EXOC6B: variants seen among roughly 807,000 people sequenced by gnomAD.
EXOC6B encodes SEC15 homolog B.
In EXOC6B, 54 loss-of-function variants were observed where a neutral mutation model predicts 113.5. The ratio of observed to expected loss-of-function variants is 0.48; its 90% CI spans 0.38 to 0.60. EXOC6B has a LOEUF of 0.60. EXOC6B is among the 20% of genes least tolerant of loss of function. The pLI is 0.00. For synonymous variants in EXOC6B, 357 were observed against 339.0 expected, an observed-to-expected ratio of 1.05 and a Z score of -0.58; for missense variants, 797 against 977.5, an observed-to-expected ratio of 0.82 and a Z score of 2.46.
At chr2:72,314,656 T>C (rs1438060932) in intron 20 of EXOC6B, among the ~76,000 whole-genome samples, 1 of 152,192 alleles carries the variant, frequency 6.6e-6, no homozygotes, top group Non-Finnish European at 1.5e-5. Flanking sequence ...CTCTACTTCA[T>C]AGAAAGGTAT....
chr2:72,754,840 A>G (rs1682306015), intron 1 of EXOC6B, among the ~76,000 whole-genome samples: 1 of 151,982 alleles, frequency 6.6e-6, no homozygotes, highest in South Asian at 2.1e-4. Context: ...GCTGGTCTCA[A>G]ACTTCTGGGC....
At chr2:72,823,952 G>A (rs1686749024) in intron 1 of EXOC6B, among the ~76,000 whole-genome samples, 2 of 152,016 alleles carry the variant, frequency 1.3e-5, no homozygotes. Context: ...ATGTGTGTAG[G>A]ACCATTGACC....
intron 16 of EXOC6B, among the ~76,000 whole-genome samples, chr2:72,483,741 T>C (rs2105501974): frequency 6.6e-6 from 1 of 152,346 alleles, no homozygotes; most frequent in Admixed American, 6.5e-5. Context: ...GGGCATTTAC[T>C]AATGTAAAAC....
At chr2:72,282,039 GA>G (rs1352583817) in intron 20 of EXOC6B, among the ~76,000 whole-genome samples, 1 of 152,036 alleles carries the variant, frequency 6.6e-6, no homozygotes, top group Non-Finnish European at 1.5e-5. Context: ...AATACCCAAG[GA>G]AAATGTTCTT....
chr2:72,195,463 C>A (rs1679109963), intron 20 of EXOC6B, among the ~76,000 whole-genome samples: 2 of 152,198 alleles, frequency 1.3e-5, no homozygotes, highest in Non-Finnish European at 2.9e-5. Context: ...TTCAATGGAA[C>A]TGCTGCCACA....
At chr2:72,431,485 T>TTCTCTATCTATCTATC (rs766066651) in intron 18 of EXOC6B, among the ~76,000 whole-genome samples, 3 of 133,892 alleles carry the variant, frequency 2.2e-5, no homozygotes, top group African/African-American at 8.7e-5. Context: ...CTTGATTTCT[T>TTCTCTATCTATCTATC]TATCTATCTA....
At chr2:72,802,112 C>T (rs912815526) in intron 1 of EXOC6B, among the ~76,000 whole-genome samples, 1 of 152,176 alleles carries the variant, frequency 6.6e-6, no homozygotes, top group East Asian at 1.9e-4. Flanking sequence ...ATCACAAGGT[C>T]GGGAGTTCAA....
At chr2:72,492,981 C>T (rs886448455) in intron 15 of EXOC6B, among the ~76,000 whole-genome samples, 2 of 151,986 alleles carry the variant, frequency 1.3e-5, no homozygotes, top group African/African-American at 4.8e-5. Flanking sequence ...TAAAGTATTT[C>T]CTCTTCCCAG....
chr2:72,232,518 G>A (rs1233539003), intron 20 of EXOC6B, among the ~76,000 whole-genome samples: 3 of 152,070 alleles, frequency 2.0e-5, no homozygotes, highest in Non-Finnish European at 4.4e-5. Flanking sequence ...AATACCAGAT[G>A]TTCATTGTAG....
chr2:72,729,590 C>CA (rs1680513686), intron 5 of EXOC6B, among the ~76,000 whole-genome samples: 1 of 151,508 alleles, frequency 6.6e-6, no homozygotes, highest in South Asian at 2.1e-4. Flanking sequence ...TGCCCAGCTC[C>CA]TTTTTTTGTT....
At chr2:72,534,351 A>G (rs975487390) in intron 8 of EXOC6B, among the ~76,000 whole-genome samples, 1 of 152,178 alleles carries the variant, frequency 6.6e-6, no homozygotes, top group Admixed American at 6.5e-5. Flanking sequence ...CCATGCTCAT[A>G]AAGAATATTT....
At chr2:72,443,736 A>G (rs927714956) in intron 18 of EXOC6B, among the ~76,000 whole-genome samples, 5 of 152,170 alleles carry the variant, frequency 3.3e-5, no homozygotes, top group Admixed American at 3.3e-4. Flanking sequence ...AAAACATCAT[A>G]TCTCATGAGA....
intron 18 of EXOC6B, among the ~76,000 whole-genome samples, chr2:72,435,841 C>T (rs1001893844): frequency 1.3e-5 from 2 of 151,954 alleles, no homozygotes; most frequent in East Asian, 3.9e-4. Context: ...ATGGTCTTGA[C>T]TCTTTATCCA....
intron 8 of EXOC6B, among the ~76,000 whole-genome samples, chr2:72,522,295 T>C (rs1437526953): frequency 6.6e-6 from 1 of 152,166 alleles, no homozygotes; most frequent in Non-Finnish European, 1.5e-5. Context: ...ATGTACTACC[T>C]GGGGAAGGGC....
chr2:72,569,383 C>A (rs1457838559), intron 7 of EXOC6B, among the ~76,000 whole-genome samples: 1 of 151,606 alleles, frequency 6.6e-6, no homozygotes, highest in Non-Finnish European at 1.5e-5. Flanking sequence ...TTTTATTTTG[C>A]CATTTTTTTG....
chr2:72,763,585 G>A (rs1682873726), intron 1 of EXOC6B, among the ~76,000 whole-genome samples: 1 of 151,642 alleles, frequency 6.6e-6, no homozygotes, highest in African/African-American at 2.4e-5. Flanking sequence ...ACCACACCCG[G>A]GTAATTTTTG....
intron 6 of EXOC6B, among the ~76,000 whole-genome samples, chr2:72,654,625 G>C (rs2104419315): frequency 6.6e-6 from 1 of 152,268 alleles, no homozygotes; most frequent in East Asian, 1.9e-4. Flanking sequence ...TAGATGCTGA[G>C]CACAGAGAAG....
At chr2:72,413,123 G>A (rs576656012) in intron 18 of EXOC6B, among the ~76,000 whole-genome samples, 1 of 151,754 alleles carries the variant, frequency 6.6e-6, no homozygotes, top group East Asian at 2.0e-4. Context: ...CACGCCCGGC[G>A]AAGTTTTTTT....
chr2:72,743,632 T>C (rs1681494772), intron 1 of EXOC6B, among the ~76,000 whole-genome samples: 1 of 152,156 alleles, frequency 6.6e-6, no homozygotes, highest in Non-Finnish European at 1.5e-5. Context: ...GGCAAGAATT[T>C]TGTCTGTCAT....
Sources: gnomAD v4.1 joint callset for allele counts (sites outside exome capture counted in the v4.1 genomes callset) on GRCh38, gnomAD v4.1.1 for gene constraint, MANE v1.5 for transcripts, NCBI Gene and HGNC (gene_info 2026-07-23, HGNC 2026-07-21) for gene names.